Variants in GPC6 observed in about 807,000 individuals in gnomAD.
GPC6 encodes the protein glypican-6.
A neutral mutation model predicts 55.2 loss-of-function variants in GPC6; 14 were observed. That is an observed-to-expected ratio of 0.25 (90% CI 0.17 to 0.40). The LOEUF (loss-of-function observed/expected upper bound fraction) is 0.40, where lower values mean the gene tolerates loss of function less well. GPC6 is among the 10% of genes least tolerant of loss of function. The probability of loss-of-function intolerance (pLI) is 1.00; values close to 1 mark genes in which losing one functional copy is unlikely to be tolerated. For missense variants in GPC6, 641 were observed against 708.5 expected (o/e 0.90, Z 1.08); for synonymous variants, 278 against 259.6 (o/e 1.07, Z -0.68).
intron 2 of GPC6, among the ~76,000 whole-genome samples, chr13:93,641,537 A>G (rs1236706327): frequency 6.6e-6 from 1 of 152,120 alleles, no homozygotes; most frequent in Non-Finnish European, 1.5e-5. Flanking sequence ...TGAGGCTTAA[A>G]TGAGTTATTA....
chr13:93,406,315 C>A (rs1876288906), intron 1 of GPC6, among the ~76,000 whole-genome samples: 1 of 152,106 alleles, frequency 6.6e-6, no homozygotes, highest in African/African-American at 2.4e-5. Flanking sequence ...GCAGCCACCA[C>A]AAATCAGTCA....
At chr13:93,971,541 G>A (rs1230360884) in intron 3 of GPC6, among the ~76,000 whole-genome samples, 2 of 152,150 alleles carry the variant, frequency 1.3e-5, no homozygotes, top group Admixed American at 1.3e-4. Context: ...TTTATATTTT[G>A]CTCTTGGAAC....
At chr13:94,210,727 C>G (rs760208691) in intron 4 of GPC6, among the ~76,000 whole-genome samples, 1 of 152,110 alleles carries the variant, frequency 6.6e-6, no homozygotes, top group African/African-American at 2.4e-5. Flanking sequence ...CAGAGAATTA[C>G]TTTAGTACTT....
chr13:93,549,910 A>G (rs572770753), intron 2 of GPC6, among the ~76,000 whole-genome samples: 1 of 152,298 alleles, frequency 6.6e-6, no homozygotes, highest in East Asian at 1.9e-4. Flanking sequence ...AATTAGAAAT[A>G]GTCATGTTAT....
chr13:94,296,649 C>G (rs1328989180), intron 5 of GPC6, among the ~76,000 whole-genome samples: 1 of 152,202 alleles, frequency 6.6e-6, no homozygotes, highest in Non-Finnish European at 1.5e-5. Flanking sequence ...ATTGCCTCAG[C>G]CAGCCTACAT....
chr13:93,726,681 G>A (rs1038177941), intron 2 of GPC6, among the ~76,000 whole-genome samples: 20 of 151,940 alleles, frequency 1.3e-4, no homozygotes, highest in Non-Finnish European at 2.6e-4. Flanking sequence ...TGGAATGCCC[G>A]CCCCCTGCCT....
At chr13:93,544,199 T>C (rs769687985) in intron 1 of GPC6, among the ~76,000 whole-genome samples, 28 of 152,164 alleles carry the variant, frequency 1.8e-4, no homozygotes, top group Non-Finnish European at 4.0e-4. Flanking sequence ...TATGTACTTG[T>C]AAACTTTTTT....
At chr13:93,939,548 GTTT>G (rs548917362) in intron 3 of GPC6, among the ~76,000 whole-genome samples, 3 of 151,362 alleles carry the variant, frequency 2.0e-5, no homozygotes, top group Non-Finnish European at 2.9e-5. Flanking sequence ...TTAGAGTTAC[GTTT>G]TTTTTCAATT....
intron 4 of GPC6, among the ~76,000 whole-genome samples, chr13:94,030,904 G>T (rs1168766612): frequency 6.6e-6 from 1 of 152,186 alleles, no homozygotes; most frequent in African/African-American, 2.4e-5. Context: ...ACTGTTTAGA[G>T]TTCAGTCAGT....
chr13:93,509,027 T>C lies in GPC6; in HGVS notation c.161-36236T>C, dbSNP rs368361672. Among the ~76,000 whole-genome samples, 28 of 152,286 alleles carry C rather than the reference T, an allele frequency of 1.8e-4. No homozygotes were observed. In the South Asian group the frequency reaches 5.0e-3, roughly 27 times the overall value. On this transcript the variant is annotated intron_variant, in intron 1 of 8. Transcript: ENST00000377047. ...ACTCCACTGGGAAGATGGAGGGTGATTGATGGCAGAGCAAGCCTTCAGAGT... is the reference window on the plus strand; with the variant it reads ...ACTCCACTGGGAAGATGGAGGGTGACTGATGGCAGAGCAAGCCTTCAGAGT...
In GPC6 at chr13:93,659,733, G is replaced by A. The variant is rs531088681; in HGVS notation, c.319+114312G>A. 4.0e-4 allele frequency among the ~76,000 whole-genome samples: 61 copies of A among 152,072 alleles called. 1 individual carries two copies. Among genetic ancestry groups the A allele is most frequent in the African/African-American group, 1.4e-3 (57 of 41,524 alleles). ...GTTAATTGAGGCACAGAGATATTAA[G>A]TAATTTGACCATGGTCTCTAACCTG... On this transcript the variant is annotated intron_variant, in intron 2 of 8. Transcript: ENST00000377047.
At chr13:93,863,308 A>G (rs1037370053) in intron 3 of GPC6, among the ~76,000 whole-genome samples, 2 of 151,678 alleles carry the variant, frequency 1.3e-5, no homozygotes, top group African/African-American at 4.8e-5. Context: ...AGAATTGGGT[A>G]GATTCAACAG....
At position 94,182,286 on chromosome 13, in the gene GPC6, T is replaced by C. The variant is rs1224118237; in HGVS notation, c.878-104063T>C. On this transcript the variant is annotated intron_variant, in intron 4 of 8. Transcript: ENST00000377047. Reference sequence around the variant, plus strand: ...CTGATTTGCAGAAAGGCTGATATGATGATTAATGATCTGAGTCTGACCTAA... The same window carrying C: ...CTGATTTGCAGAAAGGCTGATATGACGATTAATGATCTGAGTCTGACCTAA... Among the ~76,000 whole-genome samples, 4 of 152,056 alleles carry C rather than the reference T, an allele frequency of 2.6e-5. No homozygotes were observed. In the South Asian group the frequency reaches 8.3e-4, roughly 31 times the overall value.
chr13:94,077,846 T>A, intron 4 of GPC6, among the ~76,000 whole-genome samples: 1 of 151,976 alleles, frequency 6.6e-6, no homozygotes, highest in East Asian at 1.9e-4. Flanking sequence ...CATGATCTTT[T>A]TAATGTGCTA....
At chr13:94,103,636 G>A (rs1218152141) in intron 4 of GPC6, among the ~76,000 whole-genome samples, 1 of 152,200 alleles carries the variant, frequency 6.6e-6, no homozygotes, top group African/African-American at 2.4e-5. Context: ...CTGATGAGCA[G>A]TGATGATGAG....
chr13:94,335,388 G>A lies in GPC6; in HGVS notation c.1152+29265G>A, dbSNP rs1341200314. On this transcript the variant is annotated intron_variant, in intron 6 of 8. Transcript: ENST00000377047. Reference sequence around the variant, plus strand: ...CAGGAGTCTCCGAGCCACACTGGGTGGTACACCTTGATATATAATCCTTGC... The same window carrying A: ...CAGGAGTCTCCGAGCCACACTGGGTAGTACACCTTGATATATAATCCTTGC... Among the ~76,000 whole-genome samples, 3 of 152,098 alleles carry A rather than the reference G, an allele frequency of 2.0e-5. No individual in the cohort carries two copies. In the South Asian group the frequency reaches 6.2e-4, roughly 32 times the overall value.
At chr13:93,430,267 G>T (rs17188998) in intron 1 of GPC6, among the ~76,000 whole-genome samples, 31,694 of 152,068 alleles carry the variant, frequency 0.21, 3,509 homozygotes, top group Middle Eastern at 0.28. Context: ...GAAGCAAAAA[G>T]CAGAATGTGA....
At chr13:93,345,099 T>C (rs891952405) in intron 1 of GPC6, among the ~76,000 whole-genome samples, 9 of 152,170 alleles carry the variant, frequency 5.9e-5, no homozygotes, top group African/African-American at 2.2e-4. Context: ...GATGATTTCA[T>C]TGAGAAGGGT....
At chr13:93,942,524 G>A (rs1367778475) in intron 3 of GPC6, among the ~76,000 whole-genome samples, 2 of 152,154 alleles carry the variant, frequency 1.3e-5, no homozygotes, top group Non-Finnish European at 2.9e-5. Context: ...TTTTTGCCAT[G>A]TTGACCAGGT....
Sources: gnomAD v4.1 joint callset for allele counts (sites outside exome capture counted in the v4.1 genomes callset) on GRCh38, gnomAD v4.1.1 for gene constraint, MANE v1.5 for transcripts, NCBI Gene and HGNC (gene_info 2026-07-23, HGNC 2026-07-21) for gene names.